SCN4A: variants seen among roughly 807,000 people sequenced by gnomAD.
The protein encoded by SCN4A is sodium voltage-gated channel alpha subunit 4, also known as sodium channel protein type 4 subunit alpha.
SCN4A carries 83 observed loss-of-function variants against 162.0 expected under a neutral mutation model. The observed-to-expected ratio is 0.51, with a 90% CI of 0.43 to 0.61. The LOEUF (loss-of-function observed/expected upper bound fraction) is 0.61, where lower values mean the gene tolerates loss of function less well. SCN4A is among the 20% of genes least tolerant of loss of function. The pLI, the probability that SCN4A is intolerant of heterozygous loss-of-function variation, is 0.00. For missense variants in SCN4A, 2,196 were observed against 2,462.5 expected (o/e 0.89, Z 2.29); for synonymous variants, 944 against 985.1 (o/e 0.96, Z 0.78).
In SCN4A at chr17:63,972,547, G is replaced by A. The variant is rs371331232; in HGVS notation, c.273+22C>T. ...GATGGATGGATGGCAGACAGACAGA[G>A]GAAGCCTTCCCAGGCCCAGACCTTC... On this transcript the variant is annotated intron_variant, in intron 1 of 23. Coordinates refer to ENST00000435607, the MANE Select transcript of SCN4A (RefSeq NM_000334.4). The surrounding 1 kb of genome is among the most constrained non-coding windows in gnomAD (Gnocchi z 4.3). The A allele has an allele frequency of 1.9e-5, 31 of 1,594,974 alleles. No individual in the cohort carries two copies. Among genetic ancestry groups the A allele is most frequent in the Admixed American group, 1.4e-4 (8 of 55,926 alleles).
At chr17:63,949,573 C>T (rs780826251) in intron 14 of SCN4A, 45 bp from the exon 15 acceptor site, 53 of 1,549,938 alleles carry the variant, frequency 3.4e-5, no homozygotes, top group Admixed American at 5.5e-5. Context: ...CCCTGAGAGA[C>T]CCCCTCATCC....
At chr17:63,953,285 G>A (rs976807590) in intron 13 of SCN4A, among the ~76,000 whole-genome samples, 3 of 151,894 alleles carry the variant, frequency 2.0e-5, no homozygotes, top group Non-Finnish European at 2.9e-5. Context: ...GCTTGAACCC[G>A]GGAGGTGGAG....
rs1438430916 is a variant in SCN4A, at chr17:63,961,289, G to A, written c.1749C>T (p.Gly583=). The A allele has an allele frequency of 6.2e-7, 1 of 1,611,558 alleles. No individual in the cohort carries two copies. Among genetic ancestry groups the A allele is most frequent in the Non-Finnish European group, 8.5e-7 (1 of 1,178,528 alleles). Residue 583 remains glycine (G), a synonymous_variant, in exon 11 of 24, where the codon GGC becomes GGT. Coordinates refer to ENST00000435607, the MANE Select transcript of SCN4A (RefSeq NM_000334.4). The part of the protein sequence containing the change: ...LIVMDPFVDL[G]ITICIVLNTL... The stretch of plus-strand genomic sequence containing the variant: ...TGTTGAGCACGATGCAGATGGTGAT[G>A]CCCAGGTCCACGAACGGGTCCATGA...
In SCN4A at chr17:63,972,320, C is replaced by T. The variant is rs1909637586; in HGVS notation, c.392+32G>A. ...GCACCCCATCTCGCCCATCCCTAACCCCTCCCGCCTCTCCCATCTTGGGCA... is the reference window on the plus strand; with the variant it reads ...GCACCCCATCTCGCCCATCCCTAACTCCTCCCGCCTCTCCCATCTTGGGCA... On this transcript the variant is annotated intron_variant, in intron 2 of 23. Coordinates refer to ENST00000435607, the MANE Select transcript of SCN4A (RefSeq NM_000334.4). This position sits in a 1 kb window ranked among gnomAD's most constrained non-coding sequence, Gnocchi z 4.3. 1 of 1,602,858 alleles carries T rather than the reference C, an allele frequency of 6.2e-7. No homozygotes were observed. The highest frequency in any genetic ancestry group is 2.2e-5 in the East Asian group (1 of 44,690).
At chr17:63,971,966 A>T (rs1158430265) in intron 3 of SCN4A, 116 bp from the exon 4 acceptor site, 4 of 1,252,202 alleles carry the variant, frequency 3.2e-6, no homozygotes. Context: ...TCAGGTGGCT[A>T]AGGACACTAG....
rs541745698 is a variant in SCN4A at position 63,947,817 on chromosome 17, G to A, written c.3318+73C>T. ...TCGGGCAGGTCCTGCCCTTCAGGGC[G>A]TGGGCTTCCTGAGGTCCCCGCCACA... On this transcript the variant is annotated intron_variant, in intron 17 of 23. Coordinates refer to ENST00000435607, the MANE Select transcript of SCN4A (RefSeq NM_000334.4). The A allele has an allele frequency of 4.1e-5, 61 of 1,503,884 alleles. 1 individual carries two copies. Among genetic ancestry groups the A allele is most frequent in the Non-Finnish European group, 4.8e-5 (53 of 1,100,808 alleles). 93.2% of individuals were successfully genotyped at this position (1,503,884 alleles called of 1,614,324 possible). A position where few individuals can be genotyped will look rare whatever the true frequency, so the allele number is the denominator to read the frequency against.
chr17:63,964,686 G>A lies in SCN4A; in HGVS notation c.1243-9C>T, dbSNP rs1370705103. On this transcript the variant is annotated splice_polypyrimidine_tract_variant and intron_variant, in intron 8 of 23. Transcript: ENST00000435607. The stretch of plus-strand genomic sequence containing the variant: ...CCAGCTGCTCGAAGGGTCTGGGAGT[G>A]GAGGGAGAGGGAGTGGAGGGGTCCC... 2 of 1,594,270 alleles carry A rather than the reference G, an allele frequency of 1.3e-6. No homozygotes were observed. Among genetic ancestry groups the A allele is most frequent in the East Asian group, 2.3e-5 (1 of 44,176 alleles).
At position 63,957,239 on chromosome 17, in the gene SCN4A, A is replaced by T; in HGVS notation, c.2299T>A (p.Trp767Arg). 1 of 1,612,292 alleles carries T rather than the reference A, an allele frequency of 6.2e-7. No individual in the cohort carries two copies. The highest frequency in any genetic ancestry group is 8.5e-7 in the Non-Finnish European group (1 of 1,178,388). The change falls in exon 13 of 24, where the codon TGG (tryptophan) becomes AGG (arginine). Residue 767 changes from tryptophan (W) to arginine (R), a missense_variant. Coordinates refer to ENST00000435607, the MANE Select transcript of SCN4A (RefSeq NM_000334.4). ...ILCGEWIETM[W>R]DCMEVAGQAM... ...TGGCCGGCCACCTCCATGCAGTCCC[A>T]CATGGTCTCGATCCACTCCCCGCAC...
At position 63,945,645 on chromosome 17, in the gene SCN4A, G is replaced by A; in HGVS notation, c.3442-7C>T. On this transcript the variant is annotated splice_polypyrimidine_tract_variant and splice_region_variant and intron_variant, in intron 18 of 23. Coordinates refer to ENST00000435607, the MANE Select transcript of SCN4A (RefSeq NM_000334.4). This position sits in a 1 kb window ranked among gnomAD's most constrained non-coding sequence, Gnocchi z 4.4. ...GGAGGGCGTTCACCACCACCTGGGG[G>A]CCAGGGGGTCCATTGCCAGTGCCTC... 1 of 1,613,572 alleles carries A rather than the reference G, an allele frequency of 6.2e-7. No individual in the cohort carries two copies. The highest frequency in any genetic ancestry group is 2.2e-5 in the East Asian group (1 of 44,878).
chr17:63,959,661 C>T (rs929787648), intron 11 of SCN4A, among the ~76,000 whole-genome samples: 3 of 152,196 alleles, frequency 2.0e-5, no homozygotes, highest in African/African-American at 7.2e-5. Flanking sequence ...CTCTGAGACC[C>T]GTTCCCATTC....
In SCN4A at chr17:63,957,248, C is replaced by T. The variant is rs1403270355; in HGVS notation, c.2290G>A (p.Glu764Lys). 3.7e-6 allele frequency: 6 copies of T among 1,613,126 alleles called. No individual in the cohort carries two copies. The highest frequency in any genetic ancestry group is 2.2e-5 in the East Asian group (1 of 44,870). The change falls in exon 13 of 24, where the codon GAG becomes AAG. Residue 764 changes from glutamate (E) to lysine (K), a missense_variant. Glu to Lys is a moderately conservative substitution (Grantham distance 56). Transcript: ENST00000435607. ...VFRILCGEWI[E>K]TMWDCMEVAG... ...ACCTCCATGCAGTCCCACATGGTCT[C>T]GATCCACTCCCCGCACAGGATGCGG... is the stretch of plus-strand genomic sequence containing the variant.
In SCN4A at chr17:63,959,443, G is replaced by A. The variant is rs751003513; in HGVS notation, c.1846-5C>T. The A allele has an allele frequency of 1.2e-6, 2 of 1,612,610 alleles. No individual in the cohort carries two copies. Among genetic ancestry groups the A allele is most frequent in the Non-Finnish European group, 1.7e-6 (2 of 1,179,284 alleles). The stretch of plus-strand genomic sequence containing the variant: ...TGTGAAGATGCCTGTGAAGACCTAG[G>A]GGGTGGCATGAGGCCCTGTCACAGA... On this transcript the variant is annotated splice_polypyrimidine_tract_variant and splice_region_variant and intron_variant, in intron 11 of 23. Transcript: ENST00000435607.
intron 23 of SCN4A, 121 bp downstream of exon 23, chr17:63,942,705 G>T (rs1251625881): frequency 9.9e-7 from 1 of 1,011,482 alleles, no homozygotes; most frequent in South Asian, 1.6e-5. Flanking sequence ...TGGCAGGCAC[G>T]CACAGGCATG....
Position 63,970,914 on chromosome 17 carries a change from G to A in SCN4A, c.703+248C>T, listed in dbSNP as rs369844554. Among the ~76,000 whole-genome samples the A allele has an allele frequency of 1.4e-4, 22 of 152,314 alleles. No homozygotes were observed. The South Asian group carries it at 2.3e-3, about 16-fold the overall frequency. On this transcript the variant is annotated intron_variant, in intron 5 of 23. Transcript: ENST00000435607. ...CTCCCAAAGTGCTGGGATTATAGGC[G>A]TGAGCCACCATGCCCAGCTGAGTCT...
intron 13 of SCN4A, among the ~76,000 whole-genome samples, chr17:63,956,797 A>T (rs1244232834): frequency 5.9e-5 from 9 of 152,184 alleles, no homozygotes; most frequent in Admixed American, 2.6e-4. Flanking sequence ...GGTCTGTCTG[A>T]CTCATTATCA....
chr17:63,943,198 G>A, intron 22 of SCN4A, 102 bp from the exon 23 acceptor site: 1 of 1,064,760 alleles, frequency 9.4e-7, no homozygotes, highest in Admixed American at 2.0e-5. Context: ...GCATGACAGA[G>A]ATGACAGAGA....
At chr17:63,952,510 C>T (rs1431633357) in intron 13 of SCN4A, among the ~76,000 whole-genome samples, 2 of 152,182 alleles carry the variant, frequency 1.3e-5, no homozygotes, top group African/African-American at 2.4e-5. Context: ...AAGAACTGGG[C>T]TCAAGTCGCC....
At position 63,939,185 on chromosome 17, in the gene SCN4A, G is replaced by GA. The variant is rs1464159982; in HGVS notation, c.*1585dup. On this transcript the variant is annotated 3_prime_UTR_variant, in exon 24 of 24. Coordinates refer to ENST00000435607, the MANE Select transcript of SCN4A (RefSeq NM_000334.4). ...TCAAACTTTTCATGAGAAACAAGAA[G>GA]AAAAAGAAGAGGCACTTAGGCCAAC... The GA allele has an allele frequency of 6.5e-6, 1 of 152,688 alleles. No individual in the cohort carries two copies. The highest frequency in any genetic ancestry group is 2.4e-5 in the African/African-American group (1 of 41,438). 9.5% of individuals were successfully genotyped at this position (152,688 alleles called of 1,614,324 possible).
Position 63,944,917 on chromosome 17 carries a change from G to A in SCN4A, c.3774+90C>T. 1.1e-5 allele frequency: 17 copies of A among 1,589,794 alleles called. No homozygotes were observed. The highest frequency in any genetic ancestry group is 2.3e-5 in the East Asian group (1 of 44,114). ...TCCACCCCCAGGGCTGCCAAGTCTC[G>A]GGGACAGAACGTGCTGCCAAGTCTC... On this transcript the variant is annotated intron_variant, in intron 20 of 23. Transcript: ENST00000435607. The surrounding 1 kb of genome is among the most constrained non-coding windows in gnomAD (Gnocchi z 4.3).
Sources: gnomAD v4.1 joint callset for allele counts (sites outside exome capture counted in the v4.1 genomes callset) on GRCh38, gnomAD v4.1.1 for gene constraint, Gnocchi (gnomAD v3.1) non-coding constraint, MANE v1.5 for transcripts, NCBI Gene and HGNC (gene_info 2026-07-23, HGNC 2026-07-21) for gene names.